The following MAP6 variants were observed in gnomAD, a reference collection of about 807,000 sequenced individuals.
MAP6 encodes microtubule-associated protein 6.
Under a neutral mutation model 42.4 loss-of-function variants are expected in MAP6, and 26 were observed. The ratio of observed to expected loss-of-function variants is 0.61; its 90% CI spans 0.45 to 0.85. The LOEUF (loss-of-function observed/expected upper bound fraction) is 0.85, where lower values mean the gene tolerates loss of function less well. Among genes scored for constraint, MAP6 ranks in the 40% least tolerant of loss-of-function variants. The pLI, the probability that MAP6 is intolerant of heterozygous loss-of-function variation, is 0.00. For missense variants in MAP6, 966 were observed against 1,099.0 expected, an observed-to-expected ratio of 0.88 and a Z score of 1.71; for synonymous variants, 418 against 443.8, an observed-to-expected ratio of 0.94 and a Z score of 0.73.
At chr11:75,628,286 G>C (rs1943230247) in intron 1 of MAP6, among the ~76,000 whole-genome samples, 1 of 152,202 alleles carries the variant, frequency 6.6e-6, no homozygotes, top group Non-Finnish European at 1.5e-5. Context: ...GGGTGAGGAA[G>C]GAGTATGGGA....
chr11:75,633,305 T>C (rs898746963), intron 1 of MAP6, among the ~76,000 whole-genome samples: 1 of 152,194 alleles, frequency 6.6e-6, no homozygotes, highest in Non-Finnish European at 1.5e-5. Context: ...CTCATATAAC[T>C]TGAAAATAAA....
At chr11:75,623,609 T>A (rs1169457010) in intron 1 of MAP6, among the ~76,000 whole-genome samples, 1 of 152,126 alleles carries the variant, frequency 6.6e-6, no homozygotes, top group Non-Finnish European at 1.5e-5. Context: ...AGAGCAGAGG[T>A]GGCATCTGAC....
At chr11:75,656,695 T>G (rs1422583234) in intron 1 of MAP6, among the ~76,000 whole-genome samples, 1 of 152,218 alleles carries the variant, frequency 6.6e-6, no homozygotes, top group Non-Finnish European at 1.5e-5. Context: ...TGGGTTTGAT[T>G]CTCACCAACA....
chr11:75,619,798 C>T (rs562594513), intron 1 of MAP6, among the ~76,000 whole-genome samples: 27 of 152,264 alleles, frequency 1.8e-4, no homozygotes, highest in African/African-American at 6.0e-4. Flanking sequence ...TACAGGCATG[C>T]GTCTTTATAA....
chr11:75,668,080 G>A lies in MAP6; in HGVS notation c.290C>T (p.Ala97Val), dbSNP rs1424229245. The A allele has an allele frequency of 3.3e-6, 4 of 1,219,536 alleles. No individual in the cohort carries two copies. The East Asian group carries it at 1.4e-4, about 41-fold the overall frequency. The allele number at this position is 1,219,536 out of a possible 1,614,324, so 75.5% of individuals were successfully genotyped here. ...GCCCGGCCCGCTCCGGCCGGGGCCC[G>A]CCGCCGGCTCGCGCTCGCCGGTAGG... ...PGPTGEREPA[A>V]GPGRSGPGPG... The change falls in exon 1 of 4, where the codon GCG (alanine) becomes GTG (valine). Residue 97 changes from alanine (A) to valine (V), a missense_variant. By Grantham distance (64) the Ala-to-Val change is moderately conservative (BLOSUM62 0). This residue lies in a region of MAP6 where 943 missense variants were observed against 1,049.9 expected (regional missense o/e 0.90). Transcript: ENST00000304771.
At chr11:75,607,963 G>T in intron 2 of MAP6, 146 bp downstream of exon 2, 1 of 710,404 alleles carries the variant, frequency 1.4e-6, no homozygotes, top group Non-Finnish European at 2.3e-6. Context: ...ATGGCCCTGG[G>T]TCTCAGTGTG....
At chr11:75,640,856 AG>A (rs1215177994) in intron 1 of MAP6, among the ~76,000 whole-genome samples, 1 of 152,174 alleles carries the variant, frequency 6.6e-6, no homozygotes. Flanking sequence ...GAGGATGTGG[AG>A]AAATAGGAAC....
intron 1 of MAP6, among the ~76,000 whole-genome samples, chr11:75,626,423 A>G (rs552720064): frequency 6.7e-4 from 102 of 152,310 alleles, no homozygotes; most frequent in African/African-American, 2.5e-3. Flanking sequence ...TCAAGACCTA[A>G]GAGCAGAGGA....
At chr11:75,661,582 C>T (rs1358205464) in intron 1 of MAP6, among the ~76,000 whole-genome samples, 1 of 152,050 alleles carries the variant, frequency 6.6e-6, no homozygotes, top group Non-Finnish European at 1.5e-5. Context: ...CACAGATCAT[C>T]TCAGCTGATG....
intron 1 of MAP6, among the ~76,000 whole-genome samples, chr11:75,632,457 C>A (rs1392577247): frequency 2.6e-5 from 4 of 152,194 alleles, no homozygotes; most frequent in Non-Finnish European, 5.9e-5. Context: ...GCATGAACTA[C>A]TTTGTATGCC....
intron 2 of MAP6, 57 bp from the exon 3 acceptor site, chr11:75,606,061 G>T: frequency 1.9e-6 from 3 of 1,582,490 alleles, no homozygotes; most frequent in Non-Finnish European, 2.6e-6. Context: ...GCGTGGGAAG[G>T]AATTTAGAGA....
intron 1 of MAP6, among the ~76,000 whole-genome samples, chr11:75,633,811 TAGG>T (rs758331720): frequency 1.3e-5 from 2 of 151,508 alleles, no homozygotes; most frequent in Non-Finnish European, 2.9e-5. Flanking sequence ...TAACGAGGAG[TAGG>T]AGAAGAGATC....
chr11:75,621,709 T>C (rs1022781974), intron 1 of MAP6, among the ~76,000 whole-genome samples: 4 of 151,948 alleles, frequency 2.6e-5, no homozygotes, highest in Non-Finnish European at 5.9e-5. Flanking sequence ...ACACAAACTG[T>C]CATTATTTGC....
At chr11:75,647,852 A>T (rs1341244989) in intron 1 of MAP6, among the ~76,000 whole-genome samples, 1 of 152,232 alleles carries the variant, frequency 6.6e-6, no homozygotes, top group Non-Finnish European at 1.5e-5. Flanking sequence ...AGGCCAAGAC[A>T]ATTCTGAAAA....
intron 3 of MAP6, chr11:75,604,139 A>G (rs1161067205): frequency 1.0e-6 from 1 of 985,770 alleles, no homozygotes; most frequent in Non-Finnish European, 1.2e-6. Flanking sequence ...ACCCTGAGAT[A>G]GAAAGGAAGG....
chr11:75,638,104 T>TG (rs1327885389), intron 1 of MAP6, among the ~76,000 whole-genome samples: 1 of 152,158 alleles, frequency 6.6e-6, no homozygotes, highest in Non-Finnish European at 1.5e-5. Flanking sequence ...TTCATTGCCT[T>TG]GGGGAAAATT....
At chr11:75,647,148 T>G (rs950726900) in intron 1 of MAP6, among the ~76,000 whole-genome samples, 1 of 151,736 alleles carries the variant, frequency 6.6e-6, no homozygotes, top group Non-Finnish European at 1.5e-5. Flanking sequence ...GCCCAGCTAA[T>G]TTTTGTATTT....
intron 3 of MAP6, among the ~76,000 whole-genome samples, chr11:75,589,403 G>A (rs1942435146): frequency 6.6e-6 from 1 of 152,354 alleles, no homozygotes; most frequent in South Asian, 2.1e-4. Context: ...AGTCGAGAGA[G>A]TGGCATTGCT....
At chr11:75,617,617 G>A (rs1005285146) in intron 1 of MAP6, among the ~76,000 whole-genome samples, 4 of 151,202 alleles carry the variant, frequency 2.6e-5, no homozygotes, top group African/African-American at 7.3e-5. Context: ...AGAAACTGTA[G>A]GAAGAAAAAT....
Sources: gnomAD v4.1 joint callset for allele counts (sites outside exome capture counted in the v4.1 genomes callset) on GRCh38, gnomAD v4.1.1 for gene constraint, gnomAD v4.1.1 regional missense constraint, MANE v1.5 for transcripts, NCBI Gene and HGNC (gene_info 2026-07-23, HGNC 2026-07-21) for gene names.